Variants in HDHD5 observed in about 807,000 individuals in gnomAD.
HDHD5 encodes the protein haloacid dehalogenase-like hydrolase domain-containing 5.
HDHD5 carries 34 observed loss-of-function variants against 35.5 expected under a neutral mutation model. The observed-to-expected ratio is 0.96, with a 90% CI of 0.73 to 1.28. The LOEUF (loss-of-function observed/expected upper bound fraction) is 1.28, where lower values mean the gene tolerates loss of function less well. Among genes scored for constraint, HDHD5 ranks in the 50% most tolerant of loss-of-function variants. HDHD5 has a pLI of 0.00. For missense variants in HDHD5, 589 were observed against 560.2 expected, an observed-to-expected ratio of 1.05 and a Z score of -0.52; for synonymous variants, 248 against 240.6, an observed-to-expected ratio of 1.03 and a Z score of -0.29.
chr22:17,137,702 C>G lies in HDHD5; in HGVS notation c.*319G>C, dbSNP rs1045097509. The G allele has an allele frequency of 2.5e-5, 8 of 320,650 alleles. No homozygotes were observed. Among genetic ancestry groups the G allele is most frequent in the Admixed American group, 1.4e-4 (3 of 21,772 alleles). 19.9% of individuals were successfully genotyped at this position (320,650 alleles called of 1,614,324 possible). A position where few individuals can be genotyped will look rare whatever the true frequency, so the allele number is the denominator to read the frequency against. Reference sequence around the variant, plus strand: ...ATCCACAGTATTCCACACTGCCTCCCCCATTTCAGAAGTCCCTACTGAAAT... The same window carrying G: ...ATCCACAGTATTCCACACTGCCTCCGCCATTTCAGAAGTCCCTACTGAAAT... On this transcript the variant is annotated 3_prime_UTR_variant, in exon 8 of 8. Transcript: ENST00000336737.
chr22:17,145,214 G>A, intron 3 of HDHD5, 97 bp from the exon 4 acceptor site: 1 of 1,550,704 alleles, frequency 6.4e-7, no homozygotes, highest in Non-Finnish European at 8.7e-7. Context: ...ACCCACTCCT[G>A]ATCAAGCCAG....
chr22:17,139,860 A>G (rs2061580242), intron 6 of HDHD5, among the ~76,000 whole-genome samples: 1 of 152,214 alleles, frequency 6.6e-6, no homozygotes, highest in Non-Finnish European at 1.5e-5. Flanking sequence ...ATGAGCCACC[A>G]CATCTTTCAG....
chr22:17,163,348 G>A (rs2061874806), upstream of HDHD5, among the ~76,000 whole-genome samples: 1 of 152,134 alleles, frequency 6.6e-6, no homozygotes, highest in Admixed American at 6.5e-5. Flanking sequence ...GAATCACCTG[G>A]AGGTCTCCTA....
At chr22:17,139,698 G>A (rs1283676026) in intron 6 of HDHD5, among the ~76,000 whole-genome samples, 1 of 151,902 alleles carries the variant, frequency 6.6e-6, no homozygotes, top group African/African-American at 2.4e-5. Context: ...CTCAGCCTCC[G>A]AGTAGCTGGG....
chr22:17,137,529 T>A lies in HDHD5; in HGVS notation c.*492A>T, dbSNP rs897549981. The A allele has an allele frequency of 2.0e-5, 3 of 153,424 alleles. No homozygotes were observed. Among genetic ancestry groups the A allele is most frequent in the African/African-American group, 7.2e-5 (3 of 41,420 alleles). The allele number at this position is 153,424 out of a possible 1,614,324, so 9.5% of individuals were successfully genotyped here. ...CAGAGCTTCACAAGAGTCAGCATCA[T>A]GAACATTTATTATGATTATTTTATT... On this transcript the variant is annotated 3_prime_UTR_variant, in exon 8 of 8. Transcript: ENST00000336737.
chr22:17,151,159 T>C (rs2061720639), intron 1 of HDHD5, among the ~76,000 whole-genome samples: 1 of 152,262 alleles, frequency 6.6e-6, no homozygotes, highest in Non-Finnish European at 1.5e-5. Flanking sequence ...TTCACAACTG[T>C]TAATTATCAA....
Position 17,143,129 on chromosome 22 carries a change from G to A in HDHD5, c.540C>T (p.Pro180=), listed in dbSNP as rs935360383. The A allele has an allele frequency of 2.5e-6, 4 of 1,608,596 alleles. No individual in the cohort carries two copies. The highest frequency in any genetic ancestry group is 2.2e-5 in the East Asian group (1 of 44,552). The change falls in exon 5 of 8, where the codon CCC becomes CCT. Residue 180 remains proline (P), a splice_region_variant and synonymous_variant. Transcript: ENST00000336737. ...TGCGGGGGAAGTCATTCCTCGGGAG[G>A]GGCTGCAGAGAGACAAAGGAGAGGC... is the stretch of plus-strand genomic sequence containing the variant. The part of the protein sequence containing the change: ...VDLERRLKTT[P]LPRNDFPRIE...
In HDHD5 at chr22:17,147,787, G is replaced by A. The variant is rs370055584; in HGVS notation, c.443+661C>T. On this transcript the variant is annotated intron_variant, in intron 3 of 7. Coordinates refer to ENST00000336737, the MANE Select transcript of HDHD5 (RefSeq NM_033070.3). Reference sequence around the variant, plus strand: ...ATCACACACGCCCCACACCTGTGACGCCCTCCTGTGAGCTTACCGGCCTTC... The same window carrying A: ...ATCACACACGCCCCACACCTGTGACACCCTCCTGTGAGCTTACCGGCCTTC... Among the ~76,000 whole-genome samples the A allele has an allele frequency of 1.1e-4, 14 of 125,476 alleles. No individual in the cohort carries two copies. In the South Asian group the frequency reaches 1.6e-3, roughly 15 times the overall value. The allele number at this position is 125,476 out of a possible 152,430, so 82.3% of individuals were successfully genotyped here.
chr22:17,153,318 T>G (rs1219613790), intron 1 of HDHD5, among the ~76,000 whole-genome samples: 1 of 152,092 alleles, frequency 6.6e-6, no homozygotes, highest in African/African-American at 2.4e-5. Flanking sequence ...CAAAAAGAAC[T>G]CAGCAAGGGT....
upstream of HDHD5, among the ~76,000 whole-genome samples, chr22:17,163,619 T>C (rs576382887): frequency 3.8e-4 from 58 of 152,184 alleles, no homozygotes; most frequent in Non-Finnish European, 7.3e-4. Flanking sequence ...AGCACTGATA[T>C]CTGTGGGCCC....
chr22:17,145,602 G>A (rs926139137), intron 3 of HDHD5, among the ~76,000 whole-genome samples: 12 of 152,282 alleles, frequency 7.9e-5, no homozygotes, highest in African/African-American at 2.9e-4. Flanking sequence ...TGGGGCAGGA[G>A]GATCATTTGA....
chr22:17,137,638 G>GTA lies in HDHD5; in HGVS notation c.*382_*383insTA. On this transcript the variant is annotated 3_prime_UTR_variant, in exon 8 of 8. Coordinates refer to ENST00000336737, the MANE Select transcript of HDHD5 (RefSeq NM_033070.3). ...TGGTGTTAAGACACTCTGCCGACAG[G>GTA]CTGCATGCCTTCAGTGCCGGCAAAG... is the stretch of plus-strand genomic sequence containing the variant. 1 of 192,158 alleles carries GTA rather than the reference G, an allele frequency of 5.2e-6. No individual in the cohort carries two copies. The highest frequency in any genetic ancestry group is 5.6e-5 in the Admixed American group (1 of 17,942). 11.9% of individuals were successfully genotyped at this position (192,158 alleles called of 1,614,324 possible).
chr22:17,140,999 T>C, intron 6 of HDHD5, 60 bp downstream of exon 6: 1 of 1,444,598 alleles, frequency 6.9e-7, no homozygotes, highest in Admixed American at 2.5e-5. Flanking sequence ...CCTGCAGGAC[T>C]GCCCAGGCAG....
At chr22:17,147,887 T>C (rs765481498) in intron 3 of HDHD5, among the ~76,000 whole-genome samples, 34 of 152,256 alleles carry the variant, frequency 2.2e-4, no homozygotes, top group Admixed American at 1.0e-3. Flanking sequence ...CCTTGATTGA[T>C]TCATAAGTCC....
At position 17,138,294 on chromosome 22, in the gene HDHD5, C is replaced by A; in HGVS notation, c.999G>T (p.Thr333=). The change falls in exon 8 of 8, where the codon ACG becomes ACT. Residue 333 remains threonine, a synonymous_variant. Transcript: ENST00000336737. The part of the protein sequence containing the change: ...NLFHQYLQKA[T]HDGAPELGAG... ...CCCCTAGTTCTGGCGCCCCATCATG[C>A]GTTGCCTTCTGCAGGTACTGGTGGA... is the stretch of plus-strand genomic sequence containing the variant. 6.2e-7 allele frequency: 1 copy of A among 1,614,154 alleles called. No individual in the cohort carries two copies. Among genetic ancestry groups the A allele is most frequent in the African/African-American group, 1.3e-5 (1 of 75,028 alleles).
upstream of HDHD5, among the ~76,000 whole-genome samples, chr22:17,163,377 G>A (rs949645716): frequency 6.6e-5 from 10 of 152,270 alleles, no homozygotes; most frequent in Non-Finnish European, 1.3e-4. Context: ...GATTGATGGC[G>A]CTCCCTTTGG....
At position 17,157,085 on chromosome 22, in the gene HDHD5, T is replaced by TACACACACACACACACACAC. The variant is rs58807817; in HGVS notation, c.126+2021_126+2040dup. On this transcript the variant is annotated intron_variant, in intron 1 of 7. Transcript: ENST00000336737. ...AGAGCTAGACACCGTCTCACACACA[T>TACACACACACACACACACAC]ACACACACACACACACACACACACA... 8.4e-3 allele frequency among the ~76,000 whole-genome samples: 1,206 copies of TACACACACACACACACACAC among 143,736 alleles called. 15 individuals are homozygous for TACACACACACACACACACAC. Among genetic ancestry groups the TACACACACACACACACACAC allele is most frequent in the African/African-American group, 0.023 (869 of 38,284 alleles). 94.3% of individuals were successfully genotyped at this position (143,736 alleles called of 152,430 possible).
At chr22:17,144,571 G>A (rs767577267) in intron 4 of HDHD5, among the ~76,000 whole-genome samples, 4 of 152,020 alleles carry the variant, frequency 2.6e-5, no homozygotes, top group Admixed American at 6.6e-5. Flanking sequence ...CCATCACTGT[G>A]CCCAGCTAAT....
intron 6 of HDHD5, 82 bp downstream of exon 6, chr22:17,140,977 G>C: frequency 7.5e-7 from 1 of 1,324,764 alleles, no homozygotes; most frequent in Non-Finnish European, 1.0e-6. Flanking sequence ...GTGTCAGGAC[G>C]GATGGGAACT....
Sources: gnomAD v4.1 joint callset for allele counts (sites outside exome capture counted in the v4.1 genomes callset) on GRCh38, gnomAD v4.1.1 for gene constraint, MANE v1.5 for transcripts, NCBI Gene and HGNC (gene_info 2026-07-23, HGNC 2026-07-21) for gene names.